The following VPS8 variants were observed in gnomAD, a reference collection of about 807,000 sequenced individuals.
VPS8 encodes the protein VPS8 subunit of CORVET complex.
In VPS8, 129 loss-of-function variants were observed where a neutral mutation model predicts 216.4. That is an observed-to-expected ratio of 0.60 (90% CI 0.52 to 0.69). The LOEUF is 0.69. VPS8 is among the 30% of genes least tolerant of loss of function. The probability of loss-of-function intolerance (pLI) is 0.00; values close to 1 mark genes in which losing one functional copy is unlikely to be tolerated. For synonymous variants in VPS8, 571 were observed against 565.4 expected (o/e 1.01, Z -0.14); for missense variants, 1,531 against 1,683.5 (o/e 0.91, Z 1.59).
chr3:184,947,539 T>A (rs1163730000), intron 36 of VPS8, among the ~76,000 whole-genome samples: 1 of 151,826 alleles, frequency 6.6e-6, no homozygotes, highest in Non-Finnish European at 1.5e-5. Flanking sequence ...GGAGGTGATG[T>A]TGTGGGCAGG....
chr3:185,020,936 G>A (rs971716325), intron 45 of VPS8, among the ~76,000 whole-genome samples: 2 of 152,176 alleles, frequency 1.3e-5, no homozygotes, highest in African/African-American at 4.8e-5. Context: ...GCCGGGCATG[G>A]TGGGGTGCAC....
intron 5 of VPS8, among the ~76,000 whole-genome samples, chr3:184,838,256 T>C (rs568150010): frequency 2.0e-4 from 31 of 152,322 alleles, no homozygotes; most frequent in African/African-American, 7.2e-4. Flanking sequence ...TGATTTAATA[T>C]ACCCTGTTGG....
intron 25 of VPS8, among the ~76,000 whole-genome samples, chr3:184,909,701 C>T (rs546545402): frequency 2.6e-5 from 4 of 152,248 alleles, no homozygotes; most frequent in South Asian, 2.1e-4. Context: ...ATTATAATAG[C>T]GCTTTAAAAT....
intron 34 of VPS8, 35 bp from the exon 35 acceptor site, chr3:184,936,211 A>G (rs768166111): frequency 1.3e-6 from 2 of 1,565,062 alleles, no homozygotes; most frequent in Non-Finnish European, 1.7e-6. Flanking sequence ...TAAATGAGCC[A>G]TTAGAGATGG....
chr3:184,904,283 G>C (rs1211192924), intron 25 of VPS8, among the ~76,000 whole-genome samples: 1 of 152,176 alleles, frequency 6.6e-6, no homozygotes, highest in East Asian at 1.9e-4. Context: ...GGCAAGAATG[G>C]ACGTCTTTTT....
At position 184,854,376 on chromosome 3, in the gene VPS8, C is replaced by T. The variant is rs543959900; in HGVS notation, c.1035+203C>T. Among the ~76,000 whole-genome samples, 8 of 152,308 alleles carry T rather than the reference C, an allele frequency of 5.3e-5. No homozygotes were observed. The South Asian group carries it at 1.5e-3, about 28-fold the overall frequency. ...ATGACCAGCACAGTGTCCTAGGGAT[C>T]ATGAGTCTTGTACTTTTCCACTTTA... is the stretch of plus-strand genomic sequence containing the variant. On this transcript the variant is annotated intron_variant, in intron 13 of 47. Coordinates refer to ENST00000625842, the MANE Select transcript of VPS8 (RefSeq NM_001009921.3).
intron 29 of VPS8, among the ~76,000 whole-genome samples, chr3:184,924,026 C>G (rs765663073): frequency 4.6e-5 from 7 of 152,170 alleles, no homozygotes; most frequent in Admixed American, 2.0e-4. Context: ...CTTAAAGACA[C>G]TTATAGCATC....
At chr3:185,015,059 A>C (rs978773726) in intron 45 of VPS8, among the ~76,000 whole-genome samples, 1 of 152,252 alleles carries the variant, frequency 6.6e-6, no homozygotes, top group African/African-American at 2.4e-5. Context: ...CCAGTCCTCG[A>C]GGATTAACTC....
chr3:185,020,903 C>G (rs1047754648), intron 45 of VPS8, among the ~76,000 whole-genome samples: 6 of 152,130 alleles, frequency 3.9e-5, no homozygotes, highest in African/African-American at 1.2e-4. Context: ...GAAACCCCGT[C>G]TCTACTAAAA....
intron 36 of VPS8, among the ~76,000 whole-genome samples, chr3:184,945,364 T>C (rs1481829830): frequency 1.3e-5 from 2 of 151,864 alleles, no homozygotes. Flanking sequence ...TTGACAGGCA[T>C]GGGAGATAAA....
intron 21 of VPS8, among the ~76,000 whole-genome samples, chr3:184,876,167 A>G (rs924763587): frequency 2.6e-5 from 4 of 152,094 alleles, no homozygotes; most frequent in Non-Finnish European, 4.4e-5. Context: ...GATATCATGC[A>G]TTCCAGTTTT....
chr3:184,849,014 C>T lies in VPS8; in HGVS notation c.542-57C>T, dbSNP rs114799576. 108 of 1,592,288 alleles carry T rather than the reference C, an allele frequency of 6.8e-5. 1 individual carries two copies. In the African/African-American group the frequency reaches 1.2e-3, roughly 18 times the overall value. ...AAGTCTTTGAAAGCATGCCTGTACT[C>T]GATGTATTTACTCTCTTGCATTTCC... On this transcript the variant is annotated intron_variant, in intron 8 of 47. Transcript: ENST00000625842.
intron 22 of VPS8, among the ~76,000 whole-genome samples, chr3:184,892,524 T>C (rs939654129): frequency 1.4e-4 from 21 of 152,200 alleles, no homozygotes; most frequent in African/African-American, 5.1e-4. Flanking sequence ...GCCTAGCCTG[T>C]ATGTACTTTT....
chr3:185,048,399 T>C, intron 46 of VPS8, 80 bp from the exon 47 acceptor site: 2 of 1,347,130 alleles, frequency 1.5e-6, no homozygotes, highest in Non-Finnish European at 2.1e-6. Context: ...CACCATGTTA[T>C]GCTTCAGCAT....
intron 45 of VPS8, among the ~76,000 whole-genome samples, chr3:185,019,484 A>G (rs1366730550): frequency 6.6e-6 from 1 of 152,246 alleles, no homozygotes; most frequent in African/African-American, 2.4e-5. Flanking sequence ...CATTGTTTCT[A>G]TAAATTATAG....
intron 35 of VPS8, among the ~76,000 whole-genome samples, chr3:184,938,700 T>C (rs1172880665): frequency 6.7e-6 from 1 of 148,348 alleles, no homozygotes; most frequent in African/African-American, 2.5e-5. Flanking sequence ...GCCCAGTAGG[T>C]GAATATAATG....
intron 46 of VPS8, among the ~76,000 whole-genome samples, chr3:185,027,814 A>C (rs544024146): frequency 5.3e-4 from 81 of 152,318 alleles, no homozygotes; most frequent in African/African-American, 1.5e-3. Flanking sequence ...GGCAAACAGA[A>C]GCTTCCTAAG....
At chr3:184,934,843 A>T (rs1420821422) in intron 34 of VPS8, among the ~76,000 whole-genome samples, 7 of 152,136 alleles carry the variant, frequency 4.6e-5, no homozygotes, top group Admixed American at 4.6e-4. Context: ...AAGGTGTCAA[A>T]ATGTTACTAG....
intron 23 of VPS8, among the ~76,000 whole-genome samples, chr3:184,897,812 G>A (rs1407925580): frequency 6.6e-6 from 1 of 152,056 alleles, no homozygotes; most frequent in Non-Finnish European, 1.5e-5. Context: ...AGAATATAGA[G>A]TACTGTATAC....
Sources: allele counts gnomAD v4.1 joint callset (sites outside exome capture counted in the v4.1 genomes callset), GRCh38; gene constraint gnomAD v4.1.1; transcripts MANE v1.5; gene names NCBI Gene and HGNC (gene_info 2026-07-23, HGNC 2026-07-21).